The following SP140L variants were observed in gnomAD, a reference collection of about 807,000 sequenced individuals.
SP140L encodes the protein SP140 like nuclear body protein, also known as nuclear body protein SP140-like protein.
A neutral mutation model predicts 84.3 loss-of-function variants in SP140L; 64 were observed. The observed-to-expected ratio is 0.76, with a 90% CI of 0.62 to 0.94. SP140L has a LOEUF of 0.94. Among genes scored for constraint, SP140L ranks in the 40% least tolerant of loss-of-function variants. The probability of loss-of-function intolerance (pLI) is 0.00; values close to 1 mark genes in which losing one functional copy is unlikely to be tolerated. For synonymous variants in SP140L, 242 were observed against 236.9 expected, an observed-to-expected ratio of 1.02 and a Z score of -0.20; for missense variants, 628 against 692.5, an observed-to-expected ratio of 0.91 and a Z score of 1.05.
chr2:230,327,275 A>G lies in SP140L; in HGVS notation c.6A>G (p.Ala2=). 7 of 1,611,610 alleles carry G rather than the reference A, an allele frequency of 4.3e-6. No homozygotes were observed. The highest frequency in any genetic ancestry group is 5.9e-6 in the Non-Finnish European group (7 of 1,178,906). Residue 2 remains alanine, a synonymous_variant, in exon 1 of 19, where the codon GCA becomes GCG. Coordinates refer to ENST00000415673, the MANE Select transcript of SP140L (RefSeq NM_138402.6). M[A]GGGSDLSTRG... ...GCAGGGCCTAGGGTGGGACGATGGC[A>G]GGTGGGGGCAGCGACCTGAGCACCA...
At chr2:230,343,905 T>G (rs998016245) in intron 2 of SP140L, among the ~76,000 whole-genome samples, 14 of 152,292 alleles carry the variant, frequency 9.2e-5, no homozygotes, top group African/African-American at 3.4e-4. Flanking sequence ...TGATTACTGT[T>G]TTTTTTGCAT....
At chr2:230,360,003 T>C (rs1430659994) in intron 4 of SP140L, among the ~76,000 whole-genome samples, 1 of 152,194 alleles carries the variant, frequency 6.6e-6, no homozygotes, top group African/African-American at 2.4e-5. Context: ...TTCTTGACTT[T>C]TTTCCTGAGA....
intron 4 of SP140L, 147 bp downstream of exon 4, chr2:230,359,279 A>G (rs4972951): frequency 0.11 from 72,478 of 685,898 alleles, 4,388 homozygotes; most frequent in Middle Eastern, 0.14. Flanking sequence ...AGTCTTCTTG[A>G]AGCCCATGGT....
At chr2:230,356,110 A>G (rs985329446) in intron 2 of SP140L, among the ~76,000 whole-genome samples, 2 of 152,214 alleles carry the variant, frequency 1.3e-5, no homozygotes, top group Non-Finnish European at 2.9e-5. Context: ...AATTAAAACT[A>G]AAATTAGCTA....
intron 2 of SP140L, among the ~76,000 whole-genome samples, chr2:230,341,573 T>C (rs1179306830): frequency 1.3e-5 from 2 of 151,098 alleles, no homozygotes; most frequent in African/African-American, 4.9e-5. Context: ...GTGCTCTGCT[T>C]TTTAGAGTTT....
At chr2:230,355,581 C>G (rs984483067) in intron 2 of SP140L, among the ~76,000 whole-genome samples, 3 of 152,086 alleles carry the variant, frequency 2.0e-5, no homozygotes, top group Non-Finnish European at 4.4e-5. Flanking sequence ...ATCAAAGAAT[C>G]TAGAAAGTCC....
At chr2:230,347,232 T>C (rs1287771196) in intron 2 of SP140L, among the ~76,000 whole-genome samples, 13 of 152,174 alleles carry the variant, frequency 8.5e-5, no homozygotes, top group African/African-American at 2.9e-4. Context: ...GGCTACTGGC[T>C]GGCTTCTGAG....
At position 230,346,378 on chromosome 2, in the gene SP140L, T is replaced by A. The variant is rs2060209550; in HGVS notation, c.108-11427T>A. On this transcript the variant is annotated intron_variant, in intron 2 of 18. Coordinates refer to ENST00000415673, the MANE Select transcript of SP140L (RefSeq NM_138402.6). ...TGGTGTAGAATTGTATTGTTGAACC[T>A]GTTTGGGGAACTTTGGGCCTCAAGA... is the stretch of plus-strand genomic sequence containing the variant. 3.3e-5 allele frequency among the ~76,000 whole-genome samples: 5 copies of A among 152,190 alleles called. No homozygotes were observed. The South Asian group carries it at 1.0e-3, about 31-fold the overall frequency.
intron 12 of SP140L, 52 bp downstream of exon 12, chr2:230,392,281 T>A: frequency 6.3e-7 from 1 of 1,598,480 alleles, no homozygotes; most frequent in African/African-American, 1.4e-5. Flanking sequence ...TGTTCCCTAA[T>A]AATGAGGAGA....
chr2:230,353,705 A>T (rs902155199), intron 2 of SP140L, among the ~76,000 whole-genome samples: 2 of 152,112 alleles, frequency 1.3e-5, no homozygotes, highest in African/African-American at 4.8e-5. Context: ...CACTAATATT[A>T]CCTTTCAGGA....
chr2:230,376,947 A>T (rs939589555), intron 7 of SP140L, among the ~76,000 whole-genome samples: 2 of 152,230 alleles, frequency 1.3e-5, no homozygotes, highest in Admixed American at 6.5e-5. Context: ...TAAGGGCACC[A>T]ACAATAGGAT....
chr2:230,342,671 A>G (rs1031687222), intron 2 of SP140L, among the ~76,000 whole-genome samples: 5 of 152,108 alleles, frequency 3.3e-5, no homozygotes, highest in Admixed American at 2.6e-4. Context: ...AGGTTATCCA[A>G]TTTGTTGATG....
rs2060021481 is a variant in SP140L, at chr2:230,340,888, A to T, written c.107+12057A>T. On this transcript the variant is annotated intron_variant, in intron 2 of 18. Coordinates refer to ENST00000415673, the MANE Select transcript of SP140L (RefSeq NM_138402.6). ...TGTTAGTCTGATGGGCTTCCCTTTG[A>T]GGGTAACCCGAGCTTTCTCTCTGGC... 2.0e-5 allele frequency among the ~76,000 whole-genome samples: 3 copies of T among 148,122 alleles called. No individual in the cohort carries two copies. In the South Asian group the frequency reaches 6.5e-4, roughly 32 times the overall value.
At chr2:230,347,946 ACCCTGC>A (rs2060257910) in intron 2 of SP140L, among the ~76,000 whole-genome samples, 1 of 152,184 alleles carries the variant, frequency 6.6e-6, no homozygotes, top group South Asian at 2.1e-4. Context: ...GCCACTGTGA[ACCCTGC>A]CCTCACTTCT....
chr2:230,354,902 G>GAAA (rs1559420421), intron 2 of SP140L, among the ~76,000 whole-genome samples: 3 of 103,512 alleles, frequency 2.9e-5, no homozygotes, highest in African/African-American at 1.1e-4. Flanking sequence ...AGAAAGGAAA[G>GAAA]AGAAAGAAGA....
Position 230,327,299 on chromosome 2 carries a change from C to T in SP140L, c.30C>T (p.Thr10=), listed in dbSNP as rs187640391. Residue 10 remains threonine (T), a splice_region_variant and synonymous_variant, in exon 1 of 19, where the codon ACC becomes ACT. Coordinates refer to ENST00000415673, the MANE Select transcript of SP140L (RefSeq NM_138402.6). ...CAGGTGGGGGCAGCGACCTGAGCACCAGGTGAGTCTTTATCTCTCTTCCTT... is the reference window on the plus strand; with the variant it reads ...CAGGTGGGGGCAGCGACCTGAGCACTAGGTGAGTCTTTATCTCTCTTCCTT... The part of the protein sequence containing the change: MAGGGSDLS[T]RGLNGGVSQV... 6.2e-7 allele frequency: 1 copy of T among 1,611,356 alleles called. No individual in the cohort carries two copies. The highest frequency in any genetic ancestry group is 1.3e-5 in the African/African-American group (1 of 74,850).
At chr2:230,370,411 C>G (rs898180057) in intron 5 of SP140L, among the ~76,000 whole-genome samples, 1 of 152,034 alleles carries the variant, frequency 6.6e-6, no homozygotes, top group Non-Finnish European at 1.5e-5. Context: ...TCTCCAGACC[C>G]CAGAAAGGAA....
chr2:230,385,712 T>C (rs2061553478), intron 9 of SP140L, among the ~76,000 whole-genome samples: 1 of 152,222 alleles, frequency 6.6e-6, no homozygotes. Flanking sequence ...TTCACAACAA[T>C]AAGAGTCTCA....
chr2:230,400,158 G>A lies in SP140L; in HGVS notation c.1229G>A (p.Arg410Gln), dbSNP rs375908423. 30 of 1,614,040 alleles carry A rather than the reference G, an allele frequency of 1.9e-5. No individual in the cohort carries two copies. Among genetic ancestry groups the A allele is most frequent in the African/African-American group, 1.5e-4 (11 of 74,914 alleles). ...AACTTGGATGAGTGTGAGGTGTGCC[G>A]GGACGGAGGGGAGCTGTTCTGTTGC... ...MRNLDECEVC[R>Q]DGGELFCCDT... The change falls in exon 15 of 19, where the codon CGG (arginine) becomes CAG (glutamine). Residue 410 changes from arginine (R) to glutamine (Q), a missense_variant. Arg to Gln is a conservative substitution (Grantham distance 43). This residue lies in a region of SP140L where 525 missense variants were observed against 518.4 expected (regional missense o/e 1.01). Transcript: ENST00000415673.
Sources: allele counts gnomAD v4.1 joint callset (sites outside exome capture counted in the v4.1 genomes callset), GRCh38; gene constraint gnomAD v4.1.1; regional missense constraint gnomAD v4.1.1; transcripts MANE v1.5; gene names NCBI Gene and HGNC (gene_info 2026-07-23, HGNC 2026-07-21).